The following SYNE1 variants were observed in gnomAD, a reference collection of about 807,000 sequenced individuals.
SYNE1 encodes the protein spectrin repeat containing nuclear envelope protein 1, also known as nesprin-1.
Under a neutral mutation model 1,111.0 loss-of-function variants are expected in SYNE1, and 616 were observed. The observed-to-expected ratio is 0.55, with a 90% CI of 0.52 to 0.59. SYNE1 has a LOEUF of 0.59. SYNE1 is among the 20% of genes least tolerant of loss of function. SYNE1 has a pLI of 0.00. For missense variants in SYNE1, 10,006 were observed against 10,417.0 expected (o/e 0.96, Z 1.72); for synonymous variants, 3,855 against 3,825.8 (o/e 1.01, Z -0.28).
Position 152,628,401 on chromosome 6 carries a change from C to G in SYNE1, c.-70G>C. ...GGAGGCAGCACAGGGCTACACCACT[C>G]TAGAAAACATGCTTGGACTTTTCTA... On this transcript the variant is annotated 5_prime_UTR_variant, in exon 3 of 146. Transcript: ENST00000367255. 2 of 1,472,576 alleles carry G rather than the reference C, an allele frequency of 1.4e-6. No individual in the cohort carries two copies. Among genetic ancestry groups the G allele is most frequent in the Non-Finnish European group, 9.5e-7 (1 of 1,051,178 alleles). 91.2% of individuals were successfully genotyped at this position (1,472,576 alleles called of 1,614,324 possible).
intron 87 of SYNE1, 50 bp downstream of exon 87, chr6:152,316,799 A>C (rs759016204): frequency 3.1e-6 from 5 of 1,609,656 alleles, no homozygotes; most frequent in Middle Eastern, 1.7e-4. Context: ...TACCCAGTTA[A>C]ATCAAATTGC....
At chr6:152,551,300 G>T (rs577078500) in intron 3 of SYNE1, among the ~76,000 whole-genome samples, 4 of 152,278 alleles carry the variant, frequency 2.6e-5, no homozygotes, top group Non-Finnish European at 5.9e-5. Flanking sequence ...AATAGTGGGG[G>T]TGAGGAAATA....
At chr6:152,221,651 T>G in intron 117 of SYNE1, 92 bp from the exon 118 acceptor site, 1 of 1,518,308 alleles carries the variant, frequency 6.6e-7, no homozygotes, top group South Asian at 1.1e-5. Context: ...TTCATAAATA[T>G]GTACATATAC....
Position 152,331,731 on chromosome 6 carries a change from C to T in SYNE1, c.12954G>A (p.Thr4318=), listed in dbSNP as rs968884551. The T allele has an allele frequency of 3.7e-6, 6 of 1,614,178 alleles. No homozygotes were observed. Among genetic ancestry groups the T allele is most frequent in the Admixed American group, 3.3e-5 (2 of 60,028 alleles). ...GAAACCAACGTTGCTCTAAATGACT[C>T]GTCTGTTCTTTGACTAACTCCTTGT... ...LDDKELVKEQ[T]SHLEQRWFQL... Residue 4318 remains threonine (T), a synonymous_variant, in exon 78 of 146, where the codon ACG becomes ACA. Coordinates refer to ENST00000367255, the MANE Select transcript of SYNE1 (RefSeq NM_182961.4).
intron 54 of SYNE1, 78 bp downstream of exon 54, chr6:152,386,994 G>A (rs1373684875): frequency 7.8e-7 from 1 of 1,276,798 alleles, no homozygotes; most frequent in Admixed American, 2.7e-5. Context: ...CTTGGCAACA[G>A]TCATTATATT....
intron 141 of SYNE1, 138 bp downstream of exon 141, chr6:152,136,480 G>T: frequency 9.8e-7 from 1 of 1,024,830 alleles, no homozygotes; most frequent in Non-Finnish European, 1.5e-6. Flanking sequence ...AAAAGTTTGG[G>T]CACAAGGTTA....
At chr6:152,175,781 A>G (rs2066309298) in intron 130 of SYNE1, among the ~76,000 whole-genome samples, 1 of 152,126 alleles carries the variant, frequency 6.6e-6, no homozygotes, top group Admixed American at 6.5e-5. Context: ...GCTAGTAAAT[A>G]CCCTCATATA....
chr6:152,341,941 T>C (rs754102126), intron 74 of SYNE1, among the ~76,000 whole-genome samples: 21 of 151,968 alleles, frequency 1.4e-4, no homozygotes, highest in Non-Finnish European at 3.1e-4. Flanking sequence ...TTATTGCACT[T>C]GCCAAGGGAA....
intron 10 of SYNE1, among the ~76,000 whole-genome samples, chr6:152,500,717 A>C (rs2099024917): frequency 6.6e-6 from 1 of 152,058 alleles, no homozygotes; most frequent in Non-Finnish European, 1.5e-5. Context: ...TGGGAGGCCG[A>C]GGTGAGAGGA....
intron 22 of SYNE1, among the ~76,000 whole-genome samples, chr6:152,456,423 T>C (rs1469034257): frequency 6.6e-6 from 1 of 152,086 alleles, no homozygotes; most frequent in African/African-American, 2.4e-5. Context: ...AATGAATACA[T>C]ATCAGGTTTT....
intron 63 of SYNE1, chr6:152,363,887 A>G: frequency 5.4e-6 from 2 of 372,388 alleles, no homozygotes; most frequent in Non-Finnish European, 1.1e-5. Context: ...ACCAGCTCCC[A>G]GCATTGCCTG....
At chr6:152,325,885 T>G in intron 80 of SYNE1, 73 bp downstream of exon 80, 6 of 1,565,088 alleles carry the variant, frequency 3.8e-6, no homozygotes, top group Non-Finnish European at 5.3e-6. Flanking sequence ...AAATGAAGAT[T>G]TATTGATCAT....
At chr6:152,243,385 G>T (rs546019122) in intron 106 of SYNE1, among the ~76,000 whole-genome samples, 5 of 152,324 alleles carry the variant, frequency 3.3e-5, no homozygotes, top group African/African-American at 1.2e-4. Context: ...ATGTGGTGGA[G>T]TATATAACTA....
intron 86 of SYNE1, among the ~76,000 whole-genome samples, chr6:152,317,510 C>T (rs370960878): frequency 1.2e-4 from 18 of 152,224 alleles, no homozygotes; most frequent in African/African-American, 4.3e-4. Context: ...GCCACCATGC[C>T]AGGCCTTCCT....
chr6:152,321,102 T>A (rs576362005), intron 84 of SYNE1, 136 bp downstream of exon 84: 5 of 923,126 alleles, frequency 5.4e-6, no homozygotes, highest in Non-Finnish European at 8.1e-6. Context: ...TAATTTAATA[T>A]TATTGTTTTA....
intron 3 of SYNE1, among the ~76,000 whole-genome samples, chr6:152,584,986 T>C (rs2099532881): frequency 6.6e-6 from 1 of 152,192 alleles, no homozygotes; most frequent in Non-Finnish European, 1.5e-5. Context: ...AAATCTTATC[T>C]TGAATTGTAG....
At chr6:152,598,290 T>A (rs1472508109) in intron 3 of SYNE1, among the ~76,000 whole-genome samples, 1 of 152,072 alleles carries the variant, frequency 6.6e-6, no homozygotes. Context: ...CTGCACAAGC[T>A]CTCTTATCTT....
intron 115 of SYNE1, among the ~76,000 whole-genome samples, chr6:152,229,686 A>G (rs554956390): frequency 1.4e-4 from 21 of 152,320 alleles, no homozygotes; most frequent in Admixed American, 6.5e-4. Context: ...TCATAGGCCA[A>G]TCCTGAACAT....
intron 9 of SYNE1, among the ~76,000 whole-genome samples, chr6:152,504,974 T>G (rs1384421655): frequency 2.0e-5 from 3 of 152,192 alleles, no homozygotes; most frequent in African/African-American, 7.2e-5. Context: ...CCGACTGACA[T>G]ACCAATGCCA....
Sources: allele counts gnomAD v4.1 joint callset (sites outside exome capture counted in the v4.1 genomes callset), GRCh38; gene constraint gnomAD v4.1.1; transcripts MANE v1.5; gene names NCBI Gene and HGNC (gene_info 2026-07-23, HGNC 2026-07-21).